UBE3D: variants seen among roughly 807,000 people sequenced by gnomAD.
UBE3D encodes E3 ubiquitin-protein ligase E3D.
In UBE3D, 48 loss-of-function variants were observed where a neutral mutation model predicts 49.6. The ratio of observed to expected loss-of-function variants is 0.97; its 90% CI spans 0.77 to 1.23. The LOEUF (loss-of-function observed/expected upper bound fraction) is 1.23, where lower values mean the gene tolerates loss of function less well. Among genes scored for constraint, UBE3D ranks in the 50% most tolerant of loss-of-function variants. UBE3D has a pLI of 0.00. For synonymous variants in UBE3D, 189 were observed against 174.2 expected (o/e 1.08, Z -0.67); for missense variants, 452 against 468.4 (o/e 0.96, Z 0.32).
intron 9 of UBE3D, among the ~76,000 whole-genome samples, chr6:82,930,249 C>T (rs913040219): frequency 1.3e-5 from 2 of 152,308 alleles, no homozygotes; most frequent in South Asian, 2.1e-4. Context: ...CCTCCCCAGT[C>T]ATGCTGAACT....
At chr6:82,909,484 C>T (rs1001870038) in intron 9 of UBE3D, among the ~76,000 whole-genome samples, 1 of 152,202 alleles carries the variant, frequency 6.6e-6, no homozygotes, top group African/African-American at 2.4e-5. Flanking sequence ...TCAGAAATGC[C>T]TCCAGAGGAG....
intron 9 of UBE3D, among the ~76,000 whole-genome samples, chr6:82,897,194 T>C (rs1053698863): frequency 6.6e-6 from 1 of 152,138 alleles, no homozygotes; most frequent in South Asian, 2.1e-4. Flanking sequence ...CCTTTAGATA[T>C]GTATTTTTGT....
chr6:83,032,415 A>C, intron 5 of UBE3D: 1 of 371,624 alleles, frequency 2.7e-6, no homozygotes, highest in Non-Finnish European at 5.4e-6. Flanking sequence ...GATTTGGCCA[A>C]TTTCTCCTAT....
At chr6:83,028,527 G>A (rs980053753) in intron 5 of UBE3D, among the ~76,000 whole-genome samples, 17 of 152,188 alleles carry the variant, frequency 1.1e-4, no homozygotes, top group African/African-American at 4.1e-4. Context: ...ACAACATTTA[G>A]CGTCTCCTAT....
chr6:82,963,901 T>A (rs1776727066), intron 8 of UBE3D, among the ~76,000 whole-genome samples: 1 of 152,222 alleles, frequency 6.6e-6, no homozygotes, highest in Non-Finnish European at 1.5e-5. Context: ...TGGTATTTCC[T>A]ATAAAGACAT....
At chr6:82,887,149 C>G in the UBE3D span, among the ~76,000 whole-genome samples, 1 of 141,464 alleles carries the variant, frequency 7.1e-6, no homozygotes, top group Non-Finnish European at 1.5e-5. Context: ...ACTAAAAATA[C>G]CAAAAAAAAT....
downstream of UBE3D, among the ~76,000 whole-genome samples, chr6:82,892,043 G>A (rs770931041): frequency 3.3e-5 from 5 of 152,158 alleles, no homozygotes; most frequent in South Asian, 2.1e-4. Flanking sequence ...GAAAATTTGC[G>A]GATAGAAAAC....
At chr6:82,889,969 T>C (rs1016210090), downstream of UBE3D, among the ~76,000 whole-genome samples, 11 of 151,668 alleles carry the variant, frequency 7.3e-5, no homozygotes, top group Non-Finnish European at 1.3e-4. Flanking sequence ...CAGCAGATTT[T>C]AGAGACATAA....
intron 8 of UBE3D, among the ~76,000 whole-genome samples, chr6:82,975,898 A>G (rs1777682601): frequency 6.6e-6 from 1 of 152,210 alleles, no homozygotes; most frequent in Admixed American, 6.5e-5. Flanking sequence ...TAGGTAACAA[A>G]GAATACAAAA....
At chr6:83,060,579 C>A (rs777798901) in intron 1 of UBE3D, among the ~76,000 whole-genome samples, 2 of 152,150 alleles carry the variant, frequency 1.3e-5, no homozygotes, top group Non-Finnish European at 2.9e-5. Context: ...GTGATGAGTA[C>A]ACTTAGTGCC....
intron 5 of UBE3D, among the ~76,000 whole-genome samples, chr6:83,025,743 C>CGTGGAG (rs1781410192): frequency 1.3e-5 from 2 of 151,650 alleles, no homozygotes; most frequent in African/African-American, 4.9e-5. Context: ...ATTAGCTGGG[C>CGTGGAG]GCAGTGACTC....
At chr6:82,961,990 A>ATG (rs1486014139) in intron 8 of UBE3D, among the ~76,000 whole-genome samples, 5 of 52,618 alleles carry the variant, frequency 9.5e-5, no homozygotes, top group African/African-American at 1.8e-4. Flanking sequence ...TATTTTTTAT[A>ATG]CGTGTGTGTG....
At chr6:82,885,225 G>A in the UBE3D span, among the ~76,000 whole-genome samples, 1 of 150,986 alleles carries the variant, frequency 6.6e-6, no homozygotes, top group Non-Finnish European at 1.5e-5. Context: ...TTTGGAATTG[G>A]GAAACCTCTC....
intron 9 of UBE3D, among the ~76,000 whole-genome samples, chr6:82,902,028 C>A (rs1305782766): frequency 6.6e-6 from 1 of 152,160 alleles, no homozygotes; most frequent in Non-Finnish European, 1.5e-5. Flanking sequence ...TAGACTGTGG[C>A]ATATCACATA....
chr6:82,971,474 G>C (rs986907062), intron 8 of UBE3D, among the ~76,000 whole-genome samples: 2 of 151,948 alleles, frequency 1.3e-5, no homozygotes, highest in African/African-American at 4.8e-5. Flanking sequence ...GCCAAACTCA[G>C]CTGACACTTT....
intron 9 of UBE3D, among the ~76,000 whole-genome samples, chr6:82,914,500 G>A (rs1772766668): frequency 6.6e-6 from 1 of 152,160 alleles, no homozygotes; most frequent in Non-Finnish European, 1.5e-5. Context: ...ACATGGGGTA[G>A]GGAGAAGTTG....
Position 82,892,855 on chromosome 6 carries a change from T to A in UBE3D, c.*167A>T, listed in dbSNP as rs1771035516. 1.3e-6 allele frequency: 1 copy of A among 798,092 alleles called. No homozygotes were observed. The highest frequency in any genetic ancestry group is 2.1e-5 in the Admixed American group (1 of 48,726). The allele number at this position is 798,092 out of a possible 1,614,324, so 49.4% of individuals were successfully genotyped here. A position where few individuals can be genotyped will look rare whatever the true frequency, so the allele number is the denominator to read the frequency against. On this transcript the variant is annotated 3_prime_UTR_variant, in exon 10 of 10. Transcript: ENST00000369747. ...AAAGATCTAAAGTTAACTCTTCTCT[T>A]AGAGAATACATGCAAACAAGTAAAC...
the UBE3D span, among the ~76,000 whole-genome samples, chr6:82,885,773 A>G: frequency 9.2e-5 from 14 of 152,198 alleles, no homozygotes; most frequent in Admixed American, 6.5e-5. Context: ...ACAATCTGAC[A>G]AGAACTCTTT....
chr6:82,912,523 AGT>A (rs1405363059), intron 9 of UBE3D, among the ~76,000 whole-genome samples: 1 of 152,070 alleles, frequency 6.6e-6, no homozygotes, highest in Non-Finnish European at 1.5e-5. Flanking sequence ...TTCCAATGAA[AGT>A]GGTGTAATAC....
Sources: allele counts gnomAD v4.1 joint callset (sites outside exome capture counted in the v4.1 genomes callset), GRCh38; gene constraint gnomAD v4.1.1; transcripts MANE v1.5; gene names NCBI Gene and HGNC (gene_info 2026-07-23, HGNC 2026-07-21).